The following KYNU variants were observed in gnomAD, a reference collection of about 807,000 sequenced individuals.
The protein encoded by KYNU is kynureninase.
A neutral mutation model predicts 59.2 loss-of-function variants in KYNU; 54 were observed. That is an observed-to-expected ratio of 0.91 (90% confidence interval 0.73 to 1.14). The LOEUF (loss-of-function observed/expected upper bound fraction) is 1.14. KYNU is among the 50% of genes most tolerant of loss of function. The probability of loss-of-function intolerance (pLI) is 0.00; values close to 1 mark genes in which losing one functional copy is unlikely to be tolerated. For missense variants in KYNU, 567 were observed against 554.4 expected (o/e 1.02, Z -0.23); for synonymous variants, 177 against 192.0 (o/e 0.92, Z 0.65).
At position 143,045,075 on chromosome 2, in the gene KYNU, T is replaced by G. The variant is rs1687145405; in HGVS notation, c.*2903T>G. The G allele has an allele frequency of 6.6e-6, 1 of 152,138 alleles. No homozygotes were observed. The highest frequency in any genetic ancestry group is 1.5e-5 in the Non-Finnish European group (1 of 68,026). The allele number at this position is 152,138 out of a possible 1,614,324, so 9.4% of individuals were successfully genotyped here. A position where few individuals can be genotyped will look rare whatever the true frequency, so the allele number is the denominator to read the frequency against. On this transcript the variant is annotated 3_prime_UTR_variant, in exon 14 of 14. Coordinates refer to ENST00000264170, the MANE Select transcript of KYNU (RefSeq NM_003937.3). ...TGGCTAGCCAGTTTTCCCAACACTA[T>G]TTATTAAATAGGGAATCTTTTCCCC... is the stretch of plus-strand genomic sequence containing the variant.
At position 143,046,961 on chromosome 2, in the gene KYNU, T is replaced by C. The variant is rs562274016; in HGVS notation, c.*4789T>C. ...TTATTTTCATTTATTTATGATTTCT[T>C]TAATGCTTCTCAAAATTTTTTATTT... is the stretch of plus-strand genomic sequence containing the variant. On this transcript the variant is annotated 3_prime_UTR_variant, in exon 14 of 14. Transcript: ENST00000264170. 3 of 152,326 alleles carry C rather than the reference T, an allele frequency of 2.0e-5. No individual in the cohort carries two copies. In the South Asian group the frequency reaches 6.2e-4, roughly 32 times the overall value. 9.4% of individuals were successfully genotyped at this position (152,326 alleles called of 1,614,324 possible).
chr2:143,039,676 A>G (rs1686979575), intron 12 of KYNU, among the ~76,000 whole-genome samples: 1 of 152,122 alleles, frequency 6.6e-6, no homozygotes, highest in African/African-American at 2.4e-5. Context: ...ACTCAAAATT[A>G]CAAAGTTTTA....
At position 143,049,529 on chromosome 2, in the gene KYNU, A is replaced by C. The variant is rs1687229390; in HGVS notation, c.*7357A>C. On this transcript the variant is annotated 3_prime_UTR_variant, in exon 14 of 14. Coordinates refer to ENST00000264170, the MANE Select transcript of KYNU (RefSeq NM_003937.3). ...CACTACAGTTTATGCTTCAGAAGCC[A>C]CCCCTTCTCTGTGGATTAGACCATG... 6.6e-6 allele frequency: 1 copy of C among 152,128 alleles called. No homozygotes were observed. The highest frequency in any genetic ancestry group is 6.6e-5 in the Admixed American group (1 of 15,254). 9.4% of individuals were successfully genotyped at this position (152,128 alleles called of 1,614,324 possible).
chr2:142,902,804 T>A (rs1682149170), intron 2 of KYNU, among the ~76,000 whole-genome samples: 1 of 152,230 alleles, frequency 6.6e-6, no homozygotes, highest in Non-Finnish European at 1.5e-5. Context: ...CTGTCTCAAG[T>A]CTTGAGCTAA....
At chr2:143,023,106 G>A (rs1298079839) in intron 10 of KYNU, among the ~76,000 whole-genome samples, 3 of 151,716 alleles carry the variant, frequency 2.0e-5, no homozygotes, top group Non-Finnish European at 4.4e-5. Context: ...ACAGTTTAAA[G>A]CTATGAATTG....
At chr2:143,031,138 A>G (rs576767570) in intron 11 of KYNU, among the ~76,000 whole-genome samples, 1 of 152,340 alleles carries the variant, frequency 6.6e-6, no homozygotes, top group South Asian at 2.1e-4. Flanking sequence ...AAAATGGGAT[A>G]TTCCAGTCAA....
intron 4 of KYNU, among the ~76,000 whole-genome samples, chr2:142,945,581 G>T (rs887860720): frequency 6.6e-6 from 1 of 152,000 alleles, no homozygotes; most frequent in South Asian, 2.1e-4. Context: ...TCCTGTTCAT[G>T]TTGATATTTT....
At chr2:142,925,581 A>C (rs1325075324) in intron 3 of KYNU, among the ~76,000 whole-genome samples, 1 of 152,176 alleles carries the variant, frequency 6.6e-6, no homozygotes. Flanking sequence ...TACTTGTACA[A>C]ATGTGGAAAA....
At chr2:142,910,247 T>C (rs7586452) in intron 2 of KYNU, among the ~76,000 whole-genome samples, 1,651 of 151,014 alleles carry the variant, frequency 0.011, 30 homozygotes, top group African/African-American at 0.038. Flanking sequence ...AGCGATTCTC[T>C]TGCCTCAGCC....
At chr2:142,960,508 G>GA (rs141976561) in intron 7 of KYNU, 116 bp from the exon 8 acceptor site, 58,091 of 728,770 alleles carry the variant, frequency 0.08, 1,707 homozygotes, top group African/African-American at 0.25. Flanking sequence ...ACCTTAATCT[G>GA]AAAAAAAAAA....
chr2:142,901,074 A>G (rs1353230992), intron 2 of KYNU, among the ~76,000 whole-genome samples: 1 of 150,946 alleles, frequency 6.6e-6, no homozygotes, highest in East Asian at 1.9e-4. Flanking sequence ...AAAAAAAGAT[A>G]CAGGGATTGA....
Position 143,018,938 on chromosome 2 carries a change from T to C in KYNU, c.903-10689T>C, listed in dbSNP as rs537466721. On this transcript the variant is annotated intron_variant, in intron 10 of 13. Transcript: ENST00000264170. ...ATTATTGATTTTGTTCTCAGCTTGA[T>C]TGTTATTGATGTATAGAAGTGCTAC... Among the ~76,000 whole-genome samples the C allele has an allele frequency of 5.3e-5, 8 of 152,246 alleles. No individual in the cohort carries two copies. In the South Asian group the frequency reaches 1.7e-3, roughly 32 times the overall value.
chr2:142,900,227 G>T (rs1455004241), intron 2 of KYNU, among the ~76,000 whole-genome samples: 1 of 152,202 alleles, frequency 6.6e-6, no homozygotes, highest in African/African-American at 2.4e-5. Flanking sequence ...GCTGGATCAG[G>T]AGCACAGTGA....
At chr2:142,952,367 A>T (rs1007832702) in intron 4 of KYNU, among the ~76,000 whole-genome samples, 2 of 151,962 alleles carry the variant, frequency 1.3e-5, no homozygotes, top group Non-Finnish European at 2.9e-5. Context: ...TAAAACCATC[A>T]TGCCCAGCCT....
intron 10 of KYNU, among the ~76,000 whole-genome samples, chr2:143,011,276 A>T (rs1686089333): frequency 7.7e-6 from 1 of 129,142 alleles, no homozygotes. Context: ...ACTTCTCAAA[A>T]GAAGACATTT....
intron 2 of KYNU, among the ~76,000 whole-genome samples, chr2:142,907,998 T>C (rs1478146334): frequency 2.0e-5 from 3 of 152,218 alleles, no homozygotes; most frequent in African/African-American, 7.2e-5. Context: ...AGGTTTCCTC[T>C]TCAATTTGCA....
intron 2 of KYNU, among the ~76,000 whole-genome samples, chr2:142,916,541 G>T (rs963491986): frequency 1.3e-5 from 2 of 152,250 alleles, no homozygotes; most frequent in South Asian, 4.2e-4. Flanking sequence ...GATCCTGCCT[G>T]CTGGGTATTA....
intron 2 of KYNU, among the ~76,000 whole-genome samples, chr2:142,887,904 C>T (rs936747236): frequency 1.3e-5 from 2 of 152,292 alleles, no homozygotes; most frequent in South Asian, 4.1e-4. Flanking sequence ...ATTTTAGGTG[C>T]ATTTTAGCAC....
At chr2:142,996,431 C>G (rs1685548183) in intron 10 of KYNU, among the ~76,000 whole-genome samples, 2 of 152,094 alleles carry the variant, frequency 1.3e-5, no homozygotes, top group African/African-American at 4.8e-5. Flanking sequence ...GTTGCCCACG[C>G]TGGTCTGTTT....
Sources: gnomAD v4.1 joint callset for allele counts (sites outside exome capture counted in the v4.1 genomes callset) on GRCh38, gnomAD v4.1.1 for gene constraint, MANE v1.5 for transcripts, NCBI Gene and HGNC (gene_info 2026-07-23, HGNC 2026-07-21) for gene names.